Variants in ADAMTSL1 observed in about 807,000 individuals in gnomAD.
ADAMTSL1 encodes the protein ADAMTS like 1.
ADAMTSL1 carries 126 observed loss-of-function variants against 201.8 expected under a neutral mutation model. That is an observed-to-expected ratio of 0.62 (90% CI 0.54 to 0.72). The LOEUF is 0.72. Ranked by LOEUF, ADAMTSL1 falls within the 30% of genes least tolerant of loss-of-function variation. The pLI, the probability that ADAMTSL1 is intolerant of heterozygous loss-of-function variation, is 0.00. For missense variants in ADAMTSL1, 2,679 were observed against 2,277.8 expected (o/e 1.18, Z -3.59); for synonymous variants, 1,121 against 903.4 (o/e 1.24, Z -4.32).
chr9:18,165,824 T>G (rs1827603188), intron 2 of ADAMTSL1, among the ~76,000 whole-genome samples: 1 of 151,968 alleles, frequency 6.6e-6, no homozygotes, highest in Non-Finnish European at 1.5e-5. Flanking sequence ...ACTTTGAAAG[T>G]GTAACTTTAT....
intron 3 of ADAMTSL1, among the ~76,000 whole-genome samples, chr9:18,563,399 G>A (rs1015530174): frequency 3.3e-5 from 5 of 152,136 alleles, no homozygotes; most frequent in Admixed American, 3.3e-4. Flanking sequence ...ATCCCAGAGG[G>A]GCACCCACCA....
intron 2 of ADAMTSL1, among the ~76,000 whole-genome samples, chr9:18,405,966 A>G (rs1440452600): frequency 6.6e-6 from 1 of 152,240 alleles, no homozygotes; most frequent in Non-Finnish European, 1.5e-5. Context: ...CACATAATTT[A>G]TCATAAATAT....
At chr9:18,688,035 A>G (rs1438645706) in intron 13 of ADAMTSL1, among the ~76,000 whole-genome samples, 5 of 151,808 alleles carry the variant, frequency 3.3e-5, no homozygotes, top group Non-Finnish European at 4.4e-5. Context: ...TTTTCCCTCA[A>G]CAACAGATTG....
Position 18,826,441 on chromosome 9 carries a change from G to A in ADAMTSL1, c.4092G>A (p.Glu1364=). The A allele has an allele frequency of 1.2e-6, 2 of 1,613,572 alleles. No homozygotes were observed. The highest frequency in any genetic ancestry group is 8.5e-7 in the Non-Finnish European group (1 of 1,179,768). The change falls in exon 22 of 29, where the codon GAG becomes GAA. Residue 1364 remains glutamate, a synonymous_variant. Transcript: ENST00000380548. ...CCAATCTTCATGGAGAGCTGACTGA[G>A]AGCACCCAGCTGCTGATCCTAGGTA... is the stretch of plus-strand genomic sequence containing the variant. ...RAANLHGELT[E]STQLLILDPP... is the part of the protein sequence containing the mutation.
At chr9:18,130,656 T>G (rs1343997627) in intron 1 of ADAMTSL1, among the ~76,000 whole-genome samples, 5 of 152,176 alleles carry the variant, frequency 3.3e-5, no homozygotes, top group Non-Finnish European at 7.4e-5. Context: ...AATACATTAT[T>G]CAAGTATTTG....
chr9:18,886,166 G>GTATGTGTATATATATATA (rs55916376), intron 23 of ADAMTSL1, among the ~76,000 whole-genome samples: 1 of 37,136 alleles, frequency 2.7e-5, no homozygotes, highest in Non-Finnish European at 4.9e-5. Flanking sequence ...GTGTGTATGT[G>GTATGTGTATATATATATA]TATATATATA....
chr9:18,907,290 G>A (rs747789632), intron 28 of ADAMTSL1: 4 of 238,254 alleles, frequency 1.7e-5, no homozygotes, highest in Non-Finnish European at 2.4e-5. Context: ...AACTCTAAAG[G>A]AGCACAGAGT....
intron 4 of ADAMTSL1, among the ~76,000 whole-genome samples, chr9:18,599,996 CAAAAAAAAAAA>C (rs57914274): frequency 2.1e-4 from 18 of 86,952 alleles, no homozygotes; most frequent in East Asian, 7.2e-4. Context: ...ACTAAAAATA[CAAAAAAAAAAA>C]AAAAAAAAAA....
At position 18,175,706 on chromosome 9, in the gene ADAMTSL1, T is replaced by A. The variant is rs1388174826; in HGVS notation, c.207+11725T>A. 3.9e-5 allele frequency among the ~76,000 whole-genome samples: 6 copies of A among 152,118 alleles called. 1 individual carries two copies. Among genetic ancestry groups the A allele is most frequent in the Non-Finnish European group, 8.8e-5 (6 of 68,032 alleles). ...TTCTTAACTCAATCCAAGTCCTACC[T>A]GCTCCAGGAAGCCAGCTCTCATTCT... On this transcript the variant is annotated intron_variant, in intron 2 of 29. Coordinates refer to the ADAMTSL1 transcript ENST00000680146.
At chr9:18,826,170 C>T in intron 21 of ADAMTSL1, 114 bp from the exon 22 acceptor site, 1 of 1,268,350 alleles carries the variant, frequency 7.9e-7, no homozygotes, top group Non-Finnish European at 1.1e-6. Flanking sequence ...TAGAAGATGT[C>T]CCTGTAGAGC....
chr9:18,783,879 C>T (rs1821546990), intron 19 of ADAMTSL1, among the ~76,000 whole-genome samples: 1 of 152,226 alleles, frequency 6.6e-6, no homozygotes, highest in Admixed American at 6.5e-5. Flanking sequence ...CTGCCTCCTG[C>T]TCTAGACCAT....
At chr9:17,990,962 C>T (rs1588534944) in intron 1 of ADAMTSL1, among the ~76,000 whole-genome samples, 1 of 152,036 alleles carries the variant, frequency 6.6e-6, no homozygotes, top group South Asian at 2.1e-4. Flanking sequence ...ATCTCAGTAA[C>T]AAAGTAGATA....
At chr9:17,973,332 A>G (rs986991506) in intron 1 of ADAMTSL1, among the ~76,000 whole-genome samples, 1 of 119,458 alleles carries the variant, frequency 8.4e-6, no homozygotes, top group South Asian at 2.9e-4. Context: ...ATCTTGAATT[A>G]ATTTTTGTAT....
intron 2 of ADAMTSL1, among the ~76,000 whole-genome samples, chr9:18,460,833 A>G (rs1469649212): frequency 2.0e-5 from 3 of 152,172 alleles, no homozygotes; most frequent in African/African-American, 7.2e-5. Flanking sequence ...TGTATAATGA[A>G]CAAACTCACA....
intron 2 of ADAMTSL1, among the ~76,000 whole-genome samples, chr9:18,167,190 C>A (rs1301674857): frequency 6.6e-6 from 1 of 151,894 alleles, no homozygotes; most frequent in Non-Finnish European, 1.5e-5. Flanking sequence ...TGATTGTAAG[C>A]TGGATGCAAA....
intron 2 of ADAMTSL1, among the ~76,000 whole-genome samples, chr9:18,331,989 G>T (rs1003334095): frequency 2.1e-4 from 32 of 152,122 alleles, no homozygotes; most frequent in Admixed American, 2.6e-4. Flanking sequence ...TTGGCAAGTA[G>T]CCCACCAAAA....
chr9:18,167,368 G>T (rs1267589920), intron 2 of ADAMTSL1, among the ~76,000 whole-genome samples: 1 of 151,834 alleles, frequency 6.6e-6, no homozygotes, highest in Non-Finnish European at 1.5e-5. Context: ...ACCAATTGAG[G>T]GGTTGAGTGT....
intron 2 of ADAMTSL1, among the ~76,000 whole-genome samples, chr9:18,367,316 T>G (rs183852624): frequency 6.6e-6 from 1 of 152,296 alleles, no homozygotes; most frequent in African/African-American, 2.4e-5. Flanking sequence ...CCATAAGAAT[T>G]TAGTTACTGG....
intron 2 of ADAMTSL1, among the ~76,000 whole-genome samples, chr9:18,427,113 A>G (rs1306997798): frequency 6.6e-6 from 1 of 152,218 alleles, no homozygotes; most frequent in Non-Finnish European, 1.5e-5. Context: ...TCCATCTGCC[A>G]GTCTAATCAT....
Sources: allele counts gnomAD v4.1 joint callset (sites outside exome capture counted in the v4.1 genomes callset), GRCh38; gene constraint gnomAD v4.1.1; transcripts MANE v1.5; gene names NCBI Gene and HGNC (gene_info 2026-07-23, HGNC 2026-07-21).